Variants in PIAS1 observed in about 807,000 individuals in gnomAD.
PIAS1 encodes E3 SUMO-protein ligase PIAS1.
In PIAS1, 6 loss-of-function variants were observed where a neutral mutation model predicts 71.3. That is an observed-to-expected ratio of 0.08 (90% CI 0.05 to 0.17). PIAS1 has a LOEUF of 0.17. Among genes scored for constraint, PIAS1 ranks in the 10% least tolerant of loss-of-function variants. The pLI, the probability that PIAS1 is intolerant of heterozygous loss-of-function variation, is 1.00. For synonymous variants in PIAS1, 303 were observed against 292.9 expected, an observed-to-expected ratio of 1.03 and a Z score of -0.35; for missense variants, 555 against 793.6, an observed-to-expected ratio of 0.70 and a Z score of 3.61.
chr15:68,174,101 G>A lies in PIAS1; in HGVS notation c.1169+209G>A, dbSNP rs749222724. Among the ~76,000 whole-genome samples, 6 of 152,170 alleles carry A rather than the reference G, an allele frequency of 3.9e-5. No homozygotes were observed. In the East Asian group the frequency reaches 9.6e-4, roughly 24 times the overall value. Reference sequence around the variant, plus strand: ...TGATGTTCCCTTGGTTTGAAAATGCGTGTGTTACTGTCAGTGCCTCCTGGC... The same window carrying A: ...TGATGTTCCCTTGGTTTGAAAATGCATGTGTTACTGTCAGTGCCTCCTGGC... On this transcript the variant is annotated intron_variant, in intron 9 of 13. Coordinates refer to ENST00000249636, the MANE Select transcript of PIAS1 (RefSeq NM_016166.3). This position sits in a 1 kb window ranked among gnomAD's most constrained non-coding sequence, Gnocchi z 4.0.
chr15:68,093,475 G>A (rs1450904796), intron 2 of PIAS1, among the ~76,000 whole-genome samples: 1 of 152,216 alleles, frequency 6.6e-6, no homozygotes, highest in Admixed American at 6.5e-5. Context: ...GAGAGCATCA[G>A]TTAATCATAA....
At chr15:68,094,147 A>C (rs1047740210) in intron 2 of PIAS1, among the ~76,000 whole-genome samples, 1 of 151,102 alleles carries the variant, frequency 6.6e-6, no homozygotes, top group Non-Finnish European at 1.5e-5. Flanking sequence ...TATATATTTG[A>C]ATTTTCCTGT....
At chr15:68,179,564 C>CTTTGTTTTTTTTTTTTTTTTTTT (rs2093040146) in intron 11 of PIAS1, among the ~76,000 whole-genome samples, 1 of 40,094 alleles carries the variant, frequency 2.5e-5, no homozygotes. Context: ...GTGAAATGTT[C>CTTTGTTTTTTTTTTTTTTTTTTT]TTTTTTTTTT....
intron 1 of PIAS1, chr15:68,055,769 TC>T (rs1177589738): frequency 7.3e-6 from 4 of 550,076 alleles, no homozygotes; most frequent in East Asian, 5.8e-5. Context: ...TTTAATTTTT[TC>T]CCCGTTATAA....
chr15:68,106,549 C>G (rs2092471898), intron 2 of PIAS1, among the ~76,000 whole-genome samples: 1 of 152,206 alleles, frequency 6.6e-6, no homozygotes, highest in African/African-American at 2.4e-5. Flanking sequence ...CTAATAGACA[C>G]TTGCCTTTGG....
At chr15:68,130,659 G>A (rs1478228364) in intron 2 of PIAS1, among the ~76,000 whole-genome samples, 1 of 133,804 alleles carries the variant, frequency 7.5e-6, no homozygotes, top group African/African-American at 2.9e-5. Context: ...AGAAACAAAG[G>A]TAACACTTAA....
intron 9 of PIAS1, among the ~76,000 whole-genome samples, chr15:68,175,307 A>G (rs892100909): frequency 9.2e-5 from 14 of 152,208 alleles, no homozygotes; most frequent in African/African-American, 3.1e-4. Context: ...AGAATATGCA[A>G]AAAAGTATAA....
At chr15:68,156,378 C>T (rs1313709904) in intron 7 of PIAS1, among the ~76,000 whole-genome samples, 1 of 151,928 alleles carries the variant, frequency 6.6e-6, no homozygotes, top group Non-Finnish European at 1.5e-5. Context: ...CAGAGTATGC[C>T]AGGAGAAAAG....
intron 2 of PIAS1, among the ~76,000 whole-genome samples, chr15:68,119,312 G>A (rs1366220024): frequency 2.7e-5 from 4 of 148,814 alleles, no homozygotes; most frequent in Non-Finnish European, 5.9e-5. Flanking sequence ...AGACGTGGTG[G>A]CGCACACCTG....
chr15:68,140,917 A>AT (rs1235741048), intron 2 of PIAS1, among the ~76,000 whole-genome samples: 1 of 152,174 alleles, frequency 6.6e-6, no homozygotes, highest in Non-Finnish European at 1.5e-5. Context: ...ATTTCTTAAA[A>AT]TTTTGTATTC....
chr15:68,101,995 C>A (rs1307557813), intron 2 of PIAS1, among the ~76,000 whole-genome samples: 1 of 152,182 alleles, frequency 6.6e-6, no homozygotes, highest in African/African-American at 2.4e-5. Context: ...CCCAGCCTAC[C>A]AAAACACTGA....
intron 2 of PIAS1, among the ~76,000 whole-genome samples, chr15:68,140,798 A>C (rs1299522380): frequency 1.3e-5 from 2 of 152,232 alleles, no homozygotes; most frequent in African/African-American, 4.8e-5. Flanking sequence ...CTTATTCAGC[A>C]CAGGCCTTAA....
chr15:68,094,560 T>G (rs2092358541), intron 2 of PIAS1, among the ~76,000 whole-genome samples: 1 of 152,142 alleles, frequency 6.6e-6, no homozygotes. Flanking sequence ...TTGGATTATA[T>G]TTCACAGTTT....
chr15:68,104,874 T>G (rs1327013110), intron 2 of PIAS1, among the ~76,000 whole-genome samples: 1 of 152,178 alleles, frequency 6.6e-6, no homozygotes, highest in Non-Finnish European at 1.5e-5. Flanking sequence ...CCACATTGCA[T>G]AGTGACAGCC....
intron 2 of PIAS1, among the ~76,000 whole-genome samples, chr15:68,096,013 A>G (rs2092372669): frequency 6.6e-6 from 1 of 152,248 alleles, no homozygotes; most frequent in Non-Finnish European, 1.5e-5. Context: ...TGTTGGATGT[A>G]GTATTATAAT....
chr15:68,112,763 G>T (rs2092533159), intron 2 of PIAS1, among the ~76,000 whole-genome samples: 1 of 152,160 alleles, frequency 6.6e-6, no homozygotes, highest in African/African-American at 2.4e-5. Context: ...ATGAAAATTG[G>T]TACATTTCTG....
chr15:68,062,537 C>T (rs1420364909), intron 1 of PIAS1, among the ~76,000 whole-genome samples: 2 of 152,326 alleles, frequency 1.3e-5, no homozygotes, highest in East Asian at 3.9e-4. Flanking sequence ...CAAACCTTAC[C>T]TCACTCTTAG....
Position 68,181,381 on chromosome 15 carries a change from C to G in PIAS1, c.1624+27C>G, listed in dbSNP as rs1180846619. 1.9e-6 allele frequency: 3 copies of G among 1,605,794 alleles called. No homozygotes were observed. The African/African-American group carries it at 4.0e-5, about 21-fold the overall frequency. On this transcript the variant is annotated intron_variant, in intron 12 of 13. Coordinates refer to ENST00000249636, the MANE Select transcript of PIAS1 (RefSeq NM_016166.3). ...TGAGTCACTGGTTCTTCTACATTGT[C>G]ACATAGCATTATGAATGCCTTTGAT... is the stretch of plus-strand genomic sequence containing the variant.
intron 1 of PIAS1, among the ~76,000 whole-genome samples, chr15:68,061,905 C>T (rs1366344410): frequency 1.3e-5 from 2 of 152,168 alleles, no homozygotes; most frequent in Non-Finnish European, 2.9e-5. Context: ...TGTTAGTTTG[C>T]GTCTTTTTGT....
Sources: allele counts gnomAD v4.1 joint callset (sites outside exome capture counted in the v4.1 genomes callset), GRCh38; gene constraint gnomAD v4.1.1; non-coding constraint Gnocchi (gnomAD v3.1); transcripts MANE v1.5; gene names NCBI Gene and HGNC (gene_info 2026-07-23, HGNC 2026-07-21).